Variants in OSMR observed in about 807,000 individuals in gnomAD.
OSMR encodes oncostatin M receptor.
In OSMR, 81 loss-of-function variants were observed where a neutral mutation model predicts 99.9. The observed-to-expected ratio is 0.81, with a 90% CI of 0.68 to 0.97. The LOEUF is 0.97. OSMR is among the 50% of genes least tolerant of loss of function. The pLI is 0.00. For missense variants in OSMR, 1,099 were observed against 1,153.4 expected, an observed-to-expected ratio of 0.95 and a Z score of 0.68; for synonymous variants, 406 against 410.4, an observed-to-expected ratio of 0.99 and a Z score of 0.13.
chr5:38,944,075 C>A, intron 1 of OSMR: 1 of 356,626 alleles, frequency 2.8e-6, no homozygotes, highest in South Asian at 2.3e-5. Context: ...GAGAGAATTT[C>A]CTAACATGCA....
At chr5:38,870,806 A>G (rs74378198) in intron 2 of OSMR, among the ~76,000 whole-genome samples, 3,319 of 152,284 alleles carry the variant, frequency 0.022, 57 homozygotes, top group Non-Finnish European at 0.035. Flanking sequence ...TTGAGTTGAC[A>G]TCTTCATGGG....
chr5:38,858,102 CATTT>C (rs1740997163), intron 1 of OSMR, among the ~76,000 whole-genome samples: 1 of 152,150 alleles, frequency 6.6e-6, no homozygotes, highest in South Asian at 2.1e-4. Context: ...TCACCTGAAA[CATTT>C]ATCATTTCTT....
chr5:38,905,076 G>T (rs907701553), intron 9 of OSMR, among the ~76,000 whole-genome samples: 2 of 152,196 alleles, frequency 1.3e-5, no homozygotes, highest in East Asian at 3.9e-4. Flanking sequence ...GCCCAATCCT[G>T]CTTCCATCTC....
At chr5:38,937,328 C>T (rs376868970), downstream of OSMR, among the ~76,000 whole-genome samples, 3 of 152,324 alleles carry the variant, frequency 2.0e-5, no homozygotes, top group South Asian at 4.1e-4. The surrounding 1 kb of genome is among the most constrained non-coding windows in gnomAD (Gnocchi z 4.0). Context: ...CCACCGCGCC[C>T]GGCCAAGAGG....
intron 1 of OSMR, among the ~76,000 whole-genome samples, chr5:38,862,356 A>C (rs1741485931): frequency 9.4e-6 from 1 of 106,700 alleles, no homozygotes; most frequent in African/African-American, 3.9e-5. Context: ...CTCACTTCCC[A>C]GTAGGGGCGG....
chr5:38,898,650 T>C (rs920246736), intron 7 of OSMR, among the ~76,000 whole-genome samples: 3 of 152,168 alleles, frequency 2.0e-5, no homozygotes, highest in Non-Finnish European at 4.4e-5. Flanking sequence ...AAATTTGTTT[T>C]CTAGTTGTTT....
In OSMR at chr5:38,876,227, C is replaced by T. The variant is rs543293464; in HGVS notation, c.100C>T (p.Pro34Ser). ...CTTGGCTGAACGTTTACCATTGACT[C>T]CTGTATCACTTAAAGTTTCCACCAA... The part of the protein sequence containing the change: ...EVLAERLPLT[P>S]VSLKVSTNST... Residue 34 changes from proline to serine, a missense_variant, in exon 3 of 18, where the codon CCT becomes TCT. Transcript: ENST00000274276. 7.6e-5 allele frequency: 123 copies of T among 1,613,604 alleles called. No individual in the cohort carries two copies. In the South Asian group the frequency reaches 8.0e-4, roughly 11 times the overall value.
Position 38,927,450 on chromosome 5 carries a change from T to C in OSMR, c.2212+2079T>C, listed in dbSNP as rs144734944. 3.2e-3 allele frequency among the ~76,000 whole-genome samples: 491 copies of C among 152,360 alleles called. 6 individuals are homozygous for C. The highest frequency in any genetic ancestry group is 0.011 in the African/African-American group (472 of 41,586). ...TTCCCAAACCTCAATTCTTGACTTC[T>C]GTGCACCCACAGGCTCAACATCACA... On this transcript the variant is annotated intron_variant, in intron 15 of 17. Coordinates refer to ENST00000274276, the MANE Select transcript of OSMR (RefSeq NM_003999.3).
At chr5:38,929,079 A>G (rs1422402222) in intron 15 of OSMR, among the ~76,000 whole-genome samples, 1 of 152,160 alleles carries the variant, frequency 6.6e-6, no homozygotes, top group Non-Finnish European at 1.5e-5. Context: ...CTTTTTTTAA[A>G]AAAAATAGGT....
intron 1 of OSMR, 132 bp from the exon 2 acceptor site, chr5:38,868,900 C>G: frequency 8.6e-6 from 9 of 1,049,118 alleles, no homozygotes; most frequent in South Asian, 1.6e-5. Flanking sequence ...AGTACCATGA[C>G]AAGAGGCATG....
At chr5:38,891,590 A>G (rs1744161817) in intron 7 of OSMR, among the ~76,000 whole-genome samples, 1 of 152,018 alleles carries the variant, frequency 6.6e-6, no homozygotes, top group Non-Finnish European at 1.5e-5. Flanking sequence ...GTTTTGGGGG[A>G]ATCCACACTT....
intron 1 of OSMR, among the ~76,000 whole-genome samples, chr5:38,857,264 T>C (rs420444): frequency 6.6e-6 from 1 of 152,082 alleles, no homozygotes; most frequent in Admixed American, 6.6e-5. Context: ...TTTAAATTTA[T>C]GAGATGAGAT....
chr5:38,922,781 G>A (rs72732733), intron 12 of OSMR, among the ~76,000 whole-genome samples: 148 of 152,082 alleles, frequency 9.7e-4, no homozygotes, highest in Non-Finnish European at 1.8e-3. Flanking sequence ...TTCTTTTTTG[G>A]GGGGTGTGGT....
intron 10 of OSMR, 103 bp from the exon 11 acceptor site, chr5:38,918,737 T>G: frequency 6.5e-7 from 1 of 1,545,722 alleles, no homozygotes; most frequent in Non-Finnish European, 8.7e-7. Flanking sequence ...TTCTGGTGTG[T>G]GCGTATATAA....
chr5:38,868,099 G>A (rs549697570), intron 1 of OSMR, among the ~76,000 whole-genome samples: 6 of 152,300 alleles, frequency 3.9e-5, no homozygotes, highest in East Asian at 3.9e-4. Context: ...ATCAGAGTTC[G>A]TGGTCCATAT....
At chr5:38,848,932 C>T (rs1740125610) in intron 1 of OSMR, among the ~76,000 whole-genome samples, 1 of 144,000 alleles carries the variant, frequency 6.9e-6, no homozygotes, top group South Asian at 2.5e-4. Flanking sequence ...TGACACCACA[C>T]CTGACTTTTT....
At chr5:38,866,314 T>C (rs1275576949) in intron 1 of OSMR, among the ~76,000 whole-genome samples, 8 of 152,042 alleles carry the variant, frequency 5.3e-5, no homozygotes, top group Non-Finnish European at 2.9e-5. Context: ...TGACAGTGGT[T>C]GGTGGGGTGG....
intron 11 of OSMR, among the ~76,000 whole-genome samples, chr5:38,919,731 A>G (rs914868416): frequency 6.6e-6 from 1 of 152,220 alleles, no homozygotes; most frequent in Non-Finnish European, 1.5e-5. Context: ...GGGATCATTC[A>G]TGAACCTTGC....
chr5:38,942,253 C>T (rs1381121408), intron 1 of OSMR: 7 of 1,134,894 alleles, frequency 6.2e-6, no homozygotes, highest in Middle Eastern at 2.0e-4. Context: ...TTAGGAAATC[C>T]ACAAATATGA....
Sources: allele counts gnomAD v4.1 joint callset (sites outside exome capture counted in the v4.1 genomes callset), GRCh38; gene constraint gnomAD v4.1.1; non-coding constraint Gnocchi (gnomAD v3.1); transcripts MANE v1.5; gene names NCBI Gene and HGNC (gene_info 2026-07-23, HGNC 2026-07-21).